Variants in BOLL observed in about 807,000 individuals in gnomAD.
BOLL encodes protein boule-like.
BOLL carries 23 observed loss-of-function variants against 44.4 expected under a neutral mutation model. The observed-to-expected ratio is 0.52, with a 90% CI of 0.37 to 0.73. BOLL has a LOEUF of 0.73. BOLL is among the 30% of genes least tolerant of loss of function. The probability of loss-of-function intolerance (pLI) is 0.00; values close to 1 mark genes in which losing one functional copy is unlikely to be tolerated. For missense variants in BOLL, 287 were observed against 338.3 expected (o/e 0.85, Z 1.19); for synonymous variants, 97 against 110.8 (o/e 0.88, Z 0.78).
chr2:197,766,080 T>C (rs1449010363), intron 7 of BOLL, among the ~76,000 whole-genome samples: 1 of 152,212 alleles, frequency 6.6e-6, no homozygotes, highest in Non-Finnish European at 1.5e-5. Context: ...CCACATTTTC[T>C]TTATCCATCT....
intron 3 of BOLL, 102 bp downstream of exon 3, chr2:197,778,873 T>C: frequency 1.1e-6 from 1 of 885,142 alleles, no homozygotes. Context: ...GGCATGATGG[T>C]CTCTGCTGGA....
rs1688517021 is a variant in BOLL, at chr2:197,756,409, C to T, written c.729+19G>A. 4 of 1,566,040 alleles carry T rather than the reference C, an allele frequency of 2.6e-6. No homozygotes were observed. Among genetic ancestry groups the T allele is most frequent in the Middle Eastern group, 3.4e-4 (2 of 5,844 alleles). On this transcript the variant is annotated intron_variant, in intron 9 of 10. Coordinates refer to ENST00000392296, the MANE Select transcript of BOLL (RefSeq NM_033030.6). Reference sequence around the variant, plus strand: ...ACATGAGGTAGTTATAGATCAATTACTTTAAGACTAATACATACCTCTGGA... The same window carrying T: ...ACATGAGGTAGTTATAGATCAATTATTTTAAGACTAATACATACCTCTGGA...
Position 197,727,479 on chromosome 2 carries a change from T to C in BOLL, c.*1076A>G, listed in dbSNP as rs1482368085. On this transcript the variant is annotated 3_prime_UTR_variant, in exon 11 of 11. Transcript: ENST00000392296. Reference sequence around the variant, plus strand: ...GATTAAAAACCCCTATGATTTGTTCTGTACCTTTTGAACAATGAATGACAC... The same window carrying C: ...GATTAAAAACCCCTATGATTTGTTCCGTACCTTTTGAACAATGAATGACAC... 2 of 152,366 alleles carry C rather than the reference T, an allele frequency of 1.3e-5. No homozygotes were observed. The highest frequency in any genetic ancestry group is 2.9e-5 in the Non-Finnish European group (2 of 68,026). The allele number at this position is 152,366 out of a possible 1,614,324, so 9.4% of individuals were successfully genotyped here. A position where few individuals can be genotyped will look rare whatever the true frequency, so the allele number is the denominator to read the frequency against.
rs1243800428 is a variant in BOLL, at chr2:197,766,615, T to C, written c.481-12A>G. On this transcript the variant is annotated splice_polypyrimidine_tract_variant and intron_variant, in intron 6 of 10. Transcript: ENST00000392296. ...CATACAGAACGTGACTATAAAAGGA[T>C]GGAAAAAGAAAAATTAGGCAGAAGC... 1 of 1,603,864 alleles carries C rather than the reference T, an allele frequency of 6.2e-7. No individual in the cohort carries two copies. The highest frequency in any genetic ancestry group is 1.7e-5 in the Admixed American group (1 of 59,354).
At chr2:197,784,119 C>T (rs1689928328) in intron 1 of BOLL, among the ~76,000 whole-genome samples, 1 of 151,906 alleles carries the variant, frequency 6.6e-6, no homozygotes, top group Non-Finnish European at 1.5e-5. Flanking sequence ...CTATTGTGGG[C>T]TCGCTCTGCT....
intron 9 of BOLL, 40 bp downstream of exon 9, chr2:197,756,388 G>A (rs770654847): frequency 5.2e-5 from 76 of 1,462,348 alleles, no homozygotes; most frequent in Non-Finnish European, 6.8e-5. Context: ...ATGTTAACAT[G>A]AGGTAGTTAT....
At chr2:197,776,326 A>ACATC (rs1480924182) in intron 4 of BOLL, among the ~76,000 whole-genome samples, 4 of 151,970 alleles carry the variant, frequency 2.6e-5, no homozygotes, top group Non-Finnish European at 5.9e-5. Context: ...TAATTCAAGC[A>ACATC]TGAATTATAG....
intron 7 of BOLL, among the ~76,000 whole-genome samples, chr2:197,762,985 T>G (rs1195113667): frequency 6.6e-6 from 1 of 151,380 alleles, no homozygotes; most frequent in African/African-American, 2.4e-5. Flanking sequence ...TTAGCTAGTC[T>G]AAGAAAAAAA....
At chr2:197,744,178 G>A (rs1370841423) in intron 9 of BOLL, among the ~76,000 whole-genome samples, 1 of 152,156 alleles carries the variant, frequency 6.6e-6, no homozygotes, top group Non-Finnish European at 1.5e-5. Context: ...TCTCAATTCG[G>A]TCTTACTGCA....
At chr2:197,772,242 G>A (rs529562432) in intron 5 of BOLL, among the ~76,000 whole-genome samples, 1 of 152,084 alleles carries the variant, frequency 6.6e-6, no homozygotes, top group East Asian at 1.9e-4. Flanking sequence ...TACCAAAAAT[G>A]TATCAATTCA....
chr2:197,781,835 A>G lies in BOLL; in HGVS notation c.16T>C (p.Leu6=), dbSNP rs912504686. 12 of 1,603,704 alleles carry G rather than the reference A, an allele frequency of 7.5e-6. No individual in the cohort carries two copies. The highest frequency in any genetic ancestry group is 9.4e-6 in the Non-Finnish European group (11 of 1,173,104). Residue 6 remains leucine, a synonymous_variant, in exon 2 of 11, where the codon TTA becomes CTA. Transcript: ENST00000392296. MQTDS[L]SPSPNPVSPV... ...GACACAGGATTAGGGGATGGAGATAATGAATCTGTTTGCATCTGGTTTGAT... is the reference window on the plus strand; with the variant it reads ...GACACAGGATTAGGGGATGGAGATAGTGAATCTGTTTGCATCTGGTTTGAT...
In BOLL at chr2:197,770,288, G is replaced by A. The variant is rs535986064; in HGVS notation, c.480+1567C>T. Among the ~76,000 whole-genome samples the A allele has an allele frequency of 2.6e-5, 4 of 152,240 alleles. No individual in the cohort carries two copies. The South Asian group carries it at 8.3e-4, about 32-fold the overall frequency. The stretch of plus-strand genomic sequence containing the variant: ...TAAATGGTGCTAGGAAAACTGGCTA[G>A]CCATATGTAGAAAGCTGAAACTGGA... On this transcript the variant is annotated intron_variant, in intron 6 of 10. Transcript: ENST00000392296.
intron 10 of BOLL, among the ~76,000 whole-genome samples, chr2:197,735,827 C>G (rs1687458405): frequency 6.6e-6 from 1 of 152,092 alleles, no homozygotes; most frequent in South Asian, 2.1e-4. Flanking sequence ...TTCTTCTGCT[C>G]CCTGCATTGT....
chr2:197,786,029 G>A (rs367768916), upstream of BOLL: 10 of 1,609,250 alleles, frequency 6.2e-6, no homozygotes, highest in Admixed American at 3.4e-5. This position sits in a 1 kb window ranked among gnomAD's most constrained non-coding sequence, Gnocchi z 5.9. Context: ...TCAGAGACGC[G>A]GGGTAGGGAA....
chr2:197,727,657 T>C lies in BOLL; in HGVS notation c.*898A>G, dbSNP rs559583131. The stretch of plus-strand genomic sequence containing the variant: ...TATATAATTGAATATATTGGTTGCA[T>C]ATCAGAAGAAAAGGTTTAAGGATTA... On this transcript the variant is annotated 3_prime_UTR_variant, in exon 11 of 11. Transcript: ENST00000392296. The C allele has an allele frequency of 1.2e-4, 18 of 152,450 alleles. No homozygotes were observed. Among genetic ancestry groups the C allele is most frequent in the African/African-American group, 4.3e-4 (18 of 41,580 alleles). The allele number at this position is 152,450 out of a possible 1,614,324, so 9.4% of individuals were successfully genotyped here. A position where few individuals can be genotyped will look rare whatever the true frequency, so the allele number is the denominator to read the frequency against.
chr2:197,761,761 A>G (rs777416689), intron 7 of BOLL, among the ~76,000 whole-genome samples: 2 of 152,204 alleles, frequency 1.3e-5, no homozygotes, highest in Non-Finnish European at 2.9e-5. Context: ...ATGGAAAGAC[A>G]TGTTTCATGC....
At chr2:197,771,247 A>G (rs1689239279) in intron 6 of BOLL, among the ~76,000 whole-genome samples, 2 of 151,234 alleles carry the variant, frequency 1.3e-5, no homozygotes, top group Admixed American at 6.6e-5. Flanking sequence ...TATTGCAAGG[A>G]CAGAAAACCA....
intron 7 of BOLL, among the ~76,000 whole-genome samples, chr2:197,761,265 C>A (rs1028110351): frequency 2.0e-5 from 3 of 152,136 alleles, no homozygotes; most frequent in Non-Finnish European, 4.4e-5. Flanking sequence ...GAGCTATGAT[C>A]ATGTCACTAT....
intron 7 of BOLL, among the ~76,000 whole-genome samples, chr2:197,761,758 G>A (rs1005537744): frequency 3.3e-5 from 5 of 152,136 alleles, no homozygotes; most frequent in Admixed American, 2.0e-4. Context: ...GGGATGGAAA[G>A]ACATGTTTCA....
Sources: allele counts gnomAD v4.1 joint callset (sites outside exome capture counted in the v4.1 genomes callset), GRCh38; gene constraint gnomAD v4.1.1; non-coding constraint Gnocchi (gnomAD v3.1); transcripts MANE v1.5; gene names NCBI Gene and HGNC (gene_info 2026-07-23, HGNC 2026-07-21).